Variants in APMAP observed in about 807,000 individuals in gnomAD.
The protein encoded by APMAP is adipocyte plasma membrane-associated protein.
APMAP carries 33 observed loss-of-function variants against 43.6 expected under a neutral mutation model. That is an observed-to-expected ratio of 0.76 (90% CI 0.57 to 1.01). APMAP has a LOEUF of 1.01. APMAP is among the 50% of genes least tolerant of loss of function. The pLI, the probability that APMAP is intolerant of heterozygous loss-of-function variation, is 0.00. For missense variants in APMAP, 498 were observed against 540.7 expected (o/e 0.92, Z 0.78); for synonymous variants, 224 against 216.7 (o/e 1.03, Z -0.30).
chr20:24,971,615 G>A (rs369146646), intron 4 of APMAP, 39 bp from the exon 5 acceptor site: 24 of 1,515,486 alleles, frequency 1.6e-5, no homozygotes, highest in Middle Eastern at 1.7e-4. Context: ...AGCTGGTCCC[G>A]GATTCTACAT....
intron 5 of APMAP, 88 bp downstream of exon 5, chr20:24,971,372 G>A (rs2087998038): frequency 9.4e-6 from 11 of 1,168,438 alleles, no homozygotes; most frequent in African/African-American, 1.5e-5. Flanking sequence ...GTAGACTGTT[G>A]CTAACAAATC....
chr20:24,981,175 T>C (rs2088101618), intron 2 of APMAP, among the ~76,000 whole-genome samples: 1 of 152,232 alleles, frequency 6.6e-6, no homozygotes, highest in Non-Finnish European at 1.5e-5. Flanking sequence ...AAACCTGCCC[T>C]GCAAAGTCAC....
Position 24,992,663 on chromosome 20 carries a change from T to C in APMAP, c.26A>G (p.Gln9Arg), listed in dbSNP as rs1435991732. Reference protein sequence around the residue: MSEADGLRQRRPLRPQVVT... With the variant: MSEADGLRRRRPLRPQVVT... ...GACCTGCGGCCGCAGGGGCCGGCGC[T>C]GTCGCAGCCCGTCCGCCTCGCTCAT... Residue 9 changes from glutamine (Q) to arginine (R), a missense_variant, in exon 1 of 9, where the codon CAG becomes CGG. By Grantham distance (43) the Gln-to-Arg change is conservative. Coordinates refer to ENST00000217456, the MANE Select transcript of APMAP (RefSeq NM_020531.3). 6.4e-7 allele frequency: 1 copy of C among 1,551,232 alleles called. No homozygotes were observed. The highest frequency in any genetic ancestry group is 1.2e-5 in the South Asian group (1 of 84,394).
intron 8 of APMAP, among the ~76,000 whole-genome samples, chr20:24,964,638 C>A (rs899129615): frequency 6.6e-6 from 1 of 152,066 alleles, no homozygotes; most frequent in East Asian, 1.9e-4. Context: ...TGTGGTCACA[C>A]GGGACTGTTG....
chr20:24,968,283 T>C (rs552669667), intron 8 of APMAP, among the ~76,000 whole-genome samples: 1 of 152,130 alleles, frequency 6.6e-6, no homozygotes, highest in South Asian at 2.1e-4. Context: ...TGGCTGGCCA[T>C]TGGTGGGGGT....
chr20:24,986,553 A>G (rs1324808187), intron 1 of APMAP, among the ~76,000 whole-genome samples: 1 of 152,248 alleles, frequency 6.6e-6, no homozygotes, highest in Non-Finnish European at 1.5e-5. Flanking sequence ...AAAAATGTCT[A>G]CAAAGCACAG....
chr20:24,968,775 G>T, intron 8 of APMAP, 117 bp downstream of exon 8: 2 of 976,352 alleles, frequency 2.0e-6, no homozygotes, highest in Non-Finnish European at 2.9e-6. Context: ...GTGTTTCTAA[G>T]TGTCATTCAG....
At chr20:24,988,533 A>T (rs1335383975) in intron 1 of APMAP, among the ~76,000 whole-genome samples, 1 of 151,982 alleles carries the variant, frequency 6.6e-6, no homozygotes, top group Non-Finnish European at 1.5e-5. Context: ...TACCAGTAAC[A>T]CTCTCCTAAA....
chr20:24,987,163 A>G (rs558848155), intron 1 of APMAP, among the ~76,000 whole-genome samples: 3 of 152,266 alleles, frequency 2.0e-5, no homozygotes, highest in African/African-American at 7.2e-5. Flanking sequence ...CAGTATGTCA[A>G]CCAGGCTGGA....
At chr20:24,983,599 T>TG (rs2088122773) in intron 2 of APMAP, among the ~76,000 whole-genome samples, 1 of 152,214 alleles carries the variant, frequency 6.6e-6, no homozygotes, top group Admixed American at 6.5e-5. Flanking sequence ...TTTGTGTGTG[T>TG]TTTTGCTACC....
intron 1 of APMAP, among the ~76,000 whole-genome samples, chr20:24,987,251 G>C (rs2088155572): frequency 6.6e-6 from 1 of 152,182 alleles, no homozygotes; most frequent in South Asian, 2.1e-4. Context: ...GCCTCCCAAA[G>C]TAGCTAGGAC....
rs753075898 is a variant in APMAP at position 24,969,033 on chromosome 20, G to T, written c.900C>A (p.Asn300Lys). ...GGATGTTGTCTGGAAATCCAGGCAT[G>T]TTCTCCACAAACAGATCAGCCCCGC... ...MKGGADLFVE[N>K]MPGFPDNIRP... is the part of the protein sequence containing the mutation. Residue 300 changes from asparagine to lysine, a missense_variant, in exon 8 of 9, where the codon AAC becomes AAA. Transcript: ENST00000217456. 6.2e-7 allele frequency: 1 copy of T among 1,613,922 alleles called. No individual in the cohort carries two copies. The highest frequency in any genetic ancestry group is 1.1e-5 in the South Asian group (1 of 91,062).
intron 1 of APMAP, among the ~76,000 whole-genome samples, chr20:24,990,033 G>A (rs900274801): frequency 6.6e-6 from 1 of 152,106 alleles, no homozygotes; most frequent in African/African-American, 2.4e-5. Context: ...AGTCACATAT[G>A]GACATTAAAC....
At chr20:24,980,830 C>T (rs910668863) in intron 2 of APMAP, among the ~76,000 whole-genome samples, 3 of 150,216 alleles carry the variant, frequency 2.0e-5, no homozygotes, top group Admixed American at 6.6e-5. Context: ...GGCCATGCCA[C>T]GATGACAAGC....
intron 6 of APMAP, 79 bp downstream of exon 6, chr20:24,970,118 C>A (rs2087985573): frequency 5.9e-6 from 9 of 1,534,296 alleles, no homozygotes; most frequent in Non-Finnish European, 8.1e-6. Context: ...CCCTTGGTCC[C>A]TAGAAGTAAC....
At position 24,970,181 on chromosome 20, in the gene APMAP, T is replaced by C; in HGVS notation, c.713+16A>G. 6.2e-7 allele frequency: 1 copy of C among 1,613,790 alleles called. No individual in the cohort carries two copies. The highest frequency in any genetic ancestry group is 1.3e-5 in the African/African-American group (1 of 75,042). ...TGGTGAACTCAACAAATGGGAGACC[T>C]GGAGCAAGGCCTCACCGCCCGTCAT... On this transcript the variant is annotated intron_variant, in intron 6 of 8. Coordinates refer to ENST00000217456, the MANE Select transcript of APMAP (RefSeq NM_020531.3).
intron 3 of APMAP, among the ~76,000 whole-genome samples, chr20:24,975,763 A>G (rs2088045386): frequency 6.6e-6 from 1 of 152,238 alleles, no homozygotes; most frequent in African/African-American, 2.4e-5. Flanking sequence ...AAACTACTCA[A>G]CTTCAAGATT....
At chr20:24,971,634 CT>C in intron 4 of APMAP, 58 bp from the exon 5 acceptor site, 1 of 1,374,880 alleles carries the variant, frequency 7.3e-7, no homozygotes, top group Non-Finnish European at 1.0e-6. Flanking sequence ...ATGTGCTGTT[CT>C]CAGTATCCAA....
intron 1 of APMAP, among the ~76,000 whole-genome samples, chr20:24,990,494 G>T (rs1277752720): frequency 6.6e-6 from 1 of 152,158 alleles, no homozygotes; most frequent in African/African-American, 2.4e-5. Flanking sequence ...ATTACTAGGG[G>T]TCCCTACCAC....
Sources: allele counts gnomAD v4.1 joint callset (sites outside exome capture counted in the v4.1 genomes callset), GRCh38; gene constraint gnomAD v4.1.1; transcripts MANE v1.5; gene names NCBI Gene and HGNC (gene_info 2026-07-23, HGNC 2026-07-21).